Variants in RFC1 observed in about 807,000 individuals in gnomAD.
The protein encoded by RFC1 is A1 140 kDa subunit.
In RFC1, 37 loss-of-function variants were observed where a neutral mutation model predicts 137.4. The observed-to-expected ratio is 0.27, with a 90% CI of 0.21 to 0.35. The LOEUF is 0.35. Among genes scored for constraint, RFC1 ranks in the 10% least tolerant of loss-of-function variants. RFC1 has a pLI of 1.00. For synonymous variants in RFC1, 429 were observed against 455.7 expected (o/e 0.94, Z 0.75); for missense variants, 1,205 against 1,358.5 (o/e 0.89, Z 1.78).
intron 1 of RFC1, among the ~76,000 whole-genome samples, chr4:39,360,126 G>A (rs1741676987): frequency 6.6e-6 from 1 of 152,288 alleles, no homozygotes; most frequent in African/African-American, 2.4e-5. Context: ...AGCACTTTGG[G>A]AGGCCAAGGT....
chr4:39,302,471 A>G (rs762803744), intron 18 of RFC1, 29 bp downstream of exon 18: 5 of 1,523,984 alleles, frequency 3.3e-6, no homozygotes, highest in Non-Finnish European at 3.6e-6. Context: ...AATAATCAAC[A>G]ACTGTTACAT....
chr4:39,339,280 T>C (rs1189994663), intron 4 of RFC1, among the ~76,000 whole-genome samples: 1 of 152,128 alleles, frequency 6.6e-6, no homozygotes, highest in Non-Finnish European at 1.5e-5. Flanking sequence ...GACTGCTGGG[T>C]CATATGGTGG....
chr4:39,308,238 A>T (rs542002709), intron 13 of RFC1, among the ~76,000 whole-genome samples: 171 of 151,502 alleles, frequency 1.1e-3, no homozygotes, highest in African/African-American at 4.1e-3. Context: ...CCTACCCAAC[A>T]CTCATCTCTC....
At chr4:39,315,535 A>G (rs140355303) in intron 10 of RFC1, among the ~76,000 whole-genome samples, 191 of 152,316 alleles carry the variant, frequency 1.3e-3, no homozygotes, top group African/African-American at 4.4e-3. Flanking sequence ...CCAGTCCCAC[A>G]TATCTGCTTG....
chr4:39,312,765 G>A lies in RFC1; in HGVS notation c.1370C>T (p.Ser457Phe). Residue 457 changes from serine to phenylalanine, a missense_variant, in exon 11 of 25, where the codon TCC becomes TTC. Transcript: ENST00000349703. ...YLVMGRDSGQ[S>F]KSDKAAALGT... ...AGCAGTACCCACCTTATCACTCTTG[G>A]ACTGTCCACTATCACGACCCATGAC... 5.0e-6 allele frequency: 8 copies of A among 1,614,042 alleles called. No homozygotes were observed. The highest frequency in any genetic ancestry group is 6.8e-6 in the Non-Finnish European group (8 of 1,179,962).
intron 4 of RFC1, among the ~76,000 whole-genome samples, chr4:39,328,379 T>C (rs1244189045): frequency 6.6e-6 from 1 of 152,144 alleles, no homozygotes; most frequent in Admixed American, 6.5e-5. Context: ...GAAACAGATA[T>C]ACAAATAAAC....
At chr4:39,345,302 T>A (rs927214044) in intron 3 of RFC1, 99 bp downstream of exon 3, 21 of 979,392 alleles carry the variant, frequency 2.1e-5, no homozygotes, top group Non-Finnish European at 2.8e-5. Context: ...ATTACAGGCA[T>A]GAGCCACCGC....
chr4:39,332,270 T>A (rs1439893180), intron 4 of RFC1, among the ~76,000 whole-genome samples: 2 of 152,234 alleles, frequency 1.3e-5, no homozygotes, highest in Non-Finnish European at 2.9e-5. Context: ...CTCTGACCCC[T>A]TAGCTTTCAG....
chr4:39,359,100 A>C (rs1741623498), intron 1 of RFC1, among the ~76,000 whole-genome samples: 1 of 152,000 alleles, frequency 6.6e-6, no homozygotes, highest in Admixed American at 6.6e-5. Context: ...TTCACCCAAA[A>C]CAGAAACATG....
rs376570485 is a variant in RFC1, at chr4:39,288,851, G to C, written c.3361-7C>G. 1 of 1,571,032 alleles carries C rather than the reference G, an allele frequency of 6.4e-7. No homozygotes were observed. Among genetic ancestry groups the C allele is most frequent in the African/African-American group, 1.4e-5 (1 of 71,696 alleles). On this transcript the variant is annotated splice_region_variant and splice_polypyrimidine_tract_variant and intron_variant, in intron 24 of 24. Coordinates refer to ENST00000349703, the MANE Select transcript of RFC1 (RefSeq NM_002913.5). ...TTGAAGATTTTGTCTTTTTCTGTTA[G>C]GGGGAAGATAACAAAATAGTTAATA...
intron 21 of RFC1, among the ~76,000 whole-genome samples, chr4:39,299,351 T>G (rs967210394): frequency 6.6e-6 from 1 of 152,148 alleles, no homozygotes; most frequent in African/African-American, 2.4e-5. Context: ...CACACCTCTG[T>G]ATTTCCGTGT....
intron 2 of RFC1, among the ~76,000 whole-genome samples, chr4:39,345,710 C>T (rs906421520): frequency 2.0e-5 from 3 of 151,980 alleles, no homozygotes; most frequent in Non-Finnish European, 4.4e-5. Context: ...TTAGTAGAGA[C>T]GGGGCTATCC....
chr4:39,342,563 C>CT (rs1553926057), intron 3 of RFC1, 96 bp from the exon 4 acceptor site: 4 of 1,227,702 alleles, frequency 3.3e-6, no homozygotes, highest in Non-Finnish European at 4.6e-6. Flanking sequence ...TCCTCAAGGT[C>CT]TTTTTCAAGG....
intron 4 of RFC1, chr4:39,341,675 A>T: frequency 2.2e-6 from 1 of 456,058 alleles, no homozygotes; most frequent in Non-Finnish European, 4.4e-6. Context: ...TCTAAGGGTT[A>T]ACAACATTAC....
intron 11 of RFC1, 64 bp from the exon 12 acceptor site, chr4:39,311,613 A>C (rs1306162824): frequency 4.0e-5 from 31 of 777,902 alleles, no homozygotes; most frequent in Non-Finnish European, 2.4e-5. Flanking sequence ...CTTCTCTTAC[A>C]AAAAAAAAAA....
chr4:39,319,556 T>C (rs1335532840), intron 9 of RFC1, among the ~76,000 whole-genome samples: 1 of 152,230 alleles, frequency 6.6e-6, no homozygotes, highest in Non-Finnish European at 1.5e-5. Context: ...TAATACTCCA[T>C]ATCCTACAAC....
chr4:39,329,772 C>A (rs535269643), intron 4 of RFC1, among the ~76,000 whole-genome samples: 71 of 152,180 alleles, frequency 4.7e-4, no homozygotes, highest in African/African-American at 1.7e-3. Context: ...CAGTGGCTCA[C>A]ACCTGCAATC....
intron 1 of RFC1, among the ~76,000 whole-genome samples, chr4:39,364,301 T>C (rs565616618): frequency 2.7e-4 from 41 of 152,104 alleles, no homozygotes; most frequent in Non-Finnish European, 5.6e-4. Flanking sequence ...CTTATAACTT[T>C]GCACAAGTGT....
chr4:39,302,893 A>C lies in RFC1; in HGVS notation c.2203-19T>G. 6.4e-7 allele frequency: 1 copy of C among 1,568,364 alleles called. No homozygotes were observed. Among genetic ancestry groups the C allele is most frequent in the East Asian group, 2.2e-5 (1 of 44,498 alleles). On this transcript the variant is annotated intron_variant, in intron 16 of 24. Coordinates refer to ENST00000349703, the MANE Select transcript of RFC1 (RefSeq NM_002913.5). Reference sequence around the variant, plus strand: ...TTAATTCCTGAAAGGCAAGTTTGCAACACAAAAATAATTATTTTAAAAATG... The same window carrying C: ...TTAATTCCTGAAAGGCAAGTTTGCACCACAAAAATAATTATTTTAAAAATG...
Sources: allele counts gnomAD v4.1 joint callset (sites outside exome capture counted in the v4.1 genomes callset), GRCh38; gene constraint gnomAD v4.1.1; transcripts MANE v1.5; gene names NCBI Gene and HGNC (gene_info 2026-07-23, HGNC 2026-07-21).